Variants in SLC43A2 observed in about 807,000 individuals in gnomAD.
The protein encoded by SLC43A2 is solute carrier family 43 member 2.
In SLC43A2, 38 loss-of-function variants were observed where a neutral mutation model predicts 63.2. The ratio of observed to expected loss-of-function variants is 0.60; its 90% CI spans 0.46 to 0.79. SLC43A2 has a LOEUF of 0.79. SLC43A2 is among the 30% of genes least tolerant of loss of function. The pLI is 0.00. For synonymous variants in SLC43A2, 322 were observed against 331.0 expected, an observed-to-expected ratio of 0.97 and a Z score of 0.30; for missense variants, 644 against 756.2, an observed-to-expected ratio of 0.85 and a Z score of 1.74.
In SLC43A2 at chr17:1,576,868, T is replaced by TG; in HGVS notation, c.1425-149_1425-148insC. On this transcript the variant is annotated intron_variant, in intron 12 of 13. Coordinates refer to ENST00000301335, the MANE Select transcript of SLC43A2 (RefSeq NM_152346.3). ...CCTTCCTGCTGGGCAGTTCTGTTTT[T>TG]TTTTTTTTTTTTTTAAGATGGAGTC... 6 of 961,158 alleles carry TG rather than the reference T, an allele frequency of 6.2e-6. No individual in the cohort carries two copies. In the East Asian group the frequency reaches 1.4e-4, roughly 23 times the overall value. 59.5% of individuals were successfully genotyped at this position (961,158 alleles called of 1,614,324 possible). A position where few individuals can be genotyped will look rare whatever the true frequency, so the allele number is the denominator to read the frequency against.
chr17:1,594,870 G>A (rs1162135863), intron 5 of SLC43A2, among the ~76,000 whole-genome samples: 1 of 151,628 alleles, frequency 6.6e-6, no homozygotes, highest in African/African-American at 2.4e-5. Context: ...TTACAGGCGT[G>A]AGCCACCGCG....
rs115131796 is a variant in SLC43A2, at chr17:1,601,941, C to G, written c.502-8662G>C. Among the ~76,000 whole-genome samples, 1,302 of 151,442 alleles carry G rather than the reference C, an allele frequency of 8.6e-3. 28 individuals carry two copies. Among genetic ancestry groups the G allele is most frequent in the African/African-American group, 0.03 (1,222 of 41,054 alleles). On this transcript the variant is annotated intron_variant, in intron 5 of 13. Transcript: ENST00000301335. ...CGAGACTACCCCAGGCATGCACTGCCTTCCCGAAGGTCCCAACCAATGCAA... is the reference window on the plus strand; with the variant it reads ...CGAGACTACCCCAGGCATGCACTGCGTTCCCGAAGGTCCCAACCAATGCAA...
intron 5 of SLC43A2, among the ~76,000 whole-genome samples, chr17:1,612,511 G>A (rs1232543034): frequency 6.6e-6 from 1 of 152,252 alleles, no homozygotes; most frequent in Admixed American, 6.5e-5. Flanking sequence ...CACGGGAGGC[G>A]GGTGGTCAGG....
chr17:1,582,129 G>T (rs1467966756), intron 11 of SLC43A2, among the ~76,000 whole-genome samples: 2 of 151,542 alleles, frequency 1.3e-5, no homozygotes, highest in African/African-American at 2.4e-5. Flanking sequence ...ATCCAGGCTG[G>T]AGTGCAGTGG....
chr17:1,617,316 G>A (rs529195161), intron 2 of SLC43A2, among the ~76,000 whole-genome samples: 4 of 152,308 alleles, frequency 2.6e-5, no homozygotes, highest in South Asian at 2.1e-4. Flanking sequence ...GGGAGACTGC[G>A]GCGCCTCCTT....
chr17:1,625,546 G>A (rs1908584825), intron 2 of SLC43A2, among the ~76,000 whole-genome samples: 1 of 152,198 alleles, frequency 6.6e-6, no homozygotes, highest in South Asian at 2.1e-4. Context: ...TTAGACTGAA[G>A]CAGAAACCTT....
At chr17:1,612,533 G>A (rs1208114408) in intron 5 of SLC43A2, among the ~76,000 whole-genome samples, 1 of 152,246 alleles carries the variant, frequency 6.6e-6, no homozygotes, top group African/African-American at 2.4e-5. Flanking sequence ...TGCTCCATGA[G>A]CCGAAGCTCC....
At chr17:1,623,264 C>T (rs1050989283) in intron 2 of SLC43A2, among the ~76,000 whole-genome samples, 2 of 152,200 alleles carry the variant, frequency 1.3e-5, no homozygotes, top group African/African-American at 2.4e-5. Context: ...TGTGCCAGGG[C>T]GAGCTCGCAG....
rs556828120 is a variant in SLC43A2, at chr17:1,600,585, G to A, written c.502-7306C>T. ...TTTTTTTTTTTGGAGACATGGTCTC[G>A]CTCTGTCATCCAGGCTGGAGTGCAA... On this transcript the variant is annotated intron_variant, in intron 5 of 13. Transcript: ENST00000301335. 1.5e-4 allele frequency among the ~76,000 whole-genome samples: 17 copies of A among 111,358 alleles called. No individual in the cohort carries two copies. The Admixed American group carries it at 1.7e-3, about 11-fold the overall frequency. 73.1% of individuals were successfully genotyped at this position (111,358 alleles called of 152,430 possible).
At chr17:1,576,056 G>C (rs948507059) in intron 13 of SLC43A2, among the ~76,000 whole-genome samples, 8 of 151,880 alleles carry the variant, frequency 5.3e-5, no homozygotes, top group African/African-American at 1.9e-4. Flanking sequence ...AGGTGGGGCG[G>C]GGACAGGAAC....
At chr17:1,625,660 C>G (rs1388922154) in intron 2 of SLC43A2, among the ~76,000 whole-genome samples, 1 of 152,126 alleles carries the variant, frequency 6.6e-6, no homozygotes, top group Non-Finnish European at 1.5e-5. Context: ...GCAGTGTGAC[C>G]AGAGAGATAA....
intron 11 of SLC43A2, among the ~76,000 whole-genome samples, chr17:1,581,682 C>T (rs2076016133): frequency 1.3e-5 from 2 of 152,208 alleles, no homozygotes; most frequent in African/African-American, 4.8e-5. Context: ...TGGGCCAAAA[C>T]CTACTGCTAG....
chr17:1,627,657 G>GGGCCCC, intron 2 of SLC43A2, 58 bp downstream of exon 2: 1 of 292,162 alleles, frequency 3.4e-6, no homozygotes, highest in Non-Finnish European at 5.6e-6. Context: ...CCCCCATCCC[G>GGGCCCC]CCCCCTCCCA....
intron 8 of SLC43A2, 99 bp downstream of exon 8, chr17:1,591,170 C>CGG: frequency 6.8e-7 from 1 of 1,467,472 alleles, no homozygotes; most frequent in Non-Finnish European, 9.2e-7. Flanking sequence ...ACAGGGCGGG[C>CGG]GGGGCCGCCT....
chr17:1,615,130 C>T (rs1907477280), intron 3 of SLC43A2, 96 bp from the exon 4 acceptor site: 1 of 1,453,222 alleles, frequency 6.9e-7, no homozygotes, highest in Non-Finnish European at 9.5e-7. Context: ...TTTCTTGAGA[C>T]AGAGCCTTGC....
chr17:1,596,056 C>T (rs1245826687), intron 5 of SLC43A2, among the ~76,000 whole-genome samples: 2 of 152,010 alleles, frequency 1.3e-5, no homozygotes, highest in East Asian at 3.9e-4. Context: ...CGCGGTGGCT[C>T]ACACCTGTCA....
rs532392867 is a variant in SLC43A2, at chr17:1,580,115, C to T, written c.1351-1792G>A. On this transcript the variant is annotated intron_variant, in intron 11 of 13. Transcript: ENST00000301335. ...CTAATTTTTGTATTTTTTGTAGAGA[C>T]GGGGTTTCACTAGGCTGGTCTCGAA... is the stretch of plus-strand genomic sequence containing the variant. Among the ~76,000 whole-genome samples, 7 of 152,062 alleles carry T rather than the reference C, an allele frequency of 4.6e-5. No homozygotes were observed. The East Asian group carries it at 7.8e-4, about 17-fold the overall frequency.
chr17:1,583,249 G>A lies in SLC43A2; in HGVS notation c.1305C>T (p.Leu435=), dbSNP rs36013798. 13 of 1,614,120 alleles carry A rather than the reference G, an allele frequency of 8.1e-6. No individual in the cohort carries two copies. Among genetic ancestry groups the A allele is most frequent in the Middle Eastern group, 3.3e-4 (2 of 6,060 alleles). ...TGAGGCAGGTCACCCCAAAGCCCAC[G>A]AGCAGCAGGTTGGTGAAGGCGAAGG... is the stretch of plus-strand genomic sequence containing the variant. ...MRAFAFTNLL[L]VGFGVTCLIP... Residue 435 remains leucine (L), a synonymous_variant, in exon 11 of 14, where the codon CTC becomes CTT. Coordinates refer to ENST00000301335, the MANE Select transcript of SLC43A2 (RefSeq NM_152346.3). The surrounding 1 kb of genome is among the most constrained non-coding windows in gnomAD (Gnocchi z 5.5).
At chr17:1,587,519 T>C (rs558718502) in intron 9 of SLC43A2, among the ~76,000 whole-genome samples, 92 of 152,256 alleles carry the variant, frequency 6.0e-4, no homozygotes, top group African/African-American at 1.9e-3. Context: ...CTGCTCCCCT[T>C]CCTTGGGCCA....
Sources: allele counts gnomAD v4.1 joint callset (sites outside exome capture counted in the v4.1 genomes callset), GRCh38; gene constraint gnomAD v4.1.1; non-coding constraint Gnocchi (gnomAD v3.1); transcripts MANE v1.5; gene names NCBI Gene and HGNC (gene_info 2026-07-23, HGNC 2026-07-21).